CCDC15: variants seen among roughly 807,000 people sequenced by gnomAD.
CCDC15 encodes the protein coiled-coil domain containing 15.
Under a neutral mutation model 114.5 loss-of-function variants are expected in CCDC15, and 105 were observed. The observed-to-expected ratio is 0.92, with a 90% CI of 0.78 to 1.08. The LOEUF (loss-of-function observed/expected upper bound fraction) is 1.08, where lower values mean the gene tolerates loss of function less well. Ranked by LOEUF, CCDC15 falls within the 50% of genes least tolerant of loss-of-function variation. The pLI, the probability that CCDC15 is intolerant of heterozygous loss-of-function variation, is 0.00. For missense variants in CCDC15, 1,105 were observed against 1,093.6 expected (o/e 1.01, Z -0.15); for synonymous variants, 334 against 377.8 (o/e 0.88, Z 1.34).
intron 15 of CCDC15, chr11:125,039,571 C>G (rs193028437): frequency 6.6e-6 from 1 of 152,598 alleles, no homozygotes; most frequent in East Asian, 1.9e-4. Context: ...TTTCTGTTTC[C>G]TATCCATCCT....
At chr11:125,017,586 A>G (rs1352660412) in intron 13 of CCDC15, among the ~76,000 whole-genome samples, 1 of 152,132 alleles carries the variant, frequency 6.6e-6, no homozygotes, top group Non-Finnish European at 1.5e-5. Context: ...ATGAACACCT[A>G]TGTTACTGGT....
At chr11:125,023,350 T>C (rs1487647988) in intron 13 of CCDC15, among the ~76,000 whole-genome samples, 2 of 151,956 alleles carry the variant, frequency 1.3e-5, no homozygotes, top group African/African-American at 4.8e-5. Context: ...ATCAGGAAAG[T>C]GAAAAGACAG....
chr11:124,972,266 A>T lies in CCDC15; in HGVS notation c.517-2830A>T, dbSNP rs75683891. On this transcript the variant is annotated intron_variant, in intron 4 of 15. Coordinates refer to ENST00000344762, the MANE Select transcript of CCDC15 (RefSeq NM_025004.3). ...GAATCAATAGTGTGCCTAAGGTTCTAGATAGAAAAGACTTTTGGTCAAATT... is the reference window on the plus strand; with the variant it reads ...GAATCAATAGTGTGCCTAAGGTTCTTGATAGAAAAGACTTTTGGTCAAATT... Among the ~76,000 whole-genome samples the T allele has an allele frequency of 5.9e-4, 90 of 152,348 alleles. 2 individuals are homozygous for T. The East Asian group carries it at 0.015, about 26-fold the overall frequency.
chr11:124,968,184 C>T (rs543605238), intron 4 of CCDC15, among the ~76,000 whole-genome samples: 1 of 152,324 alleles, frequency 6.6e-6, no homozygotes, highest in Non-Finnish European at 1.5e-5. Context: ...CTGCTCTCTT[C>T]AGAGCTGTCA....
chr11:124,964,651 C>G (rs1455221751), intron 4 of CCDC15, among the ~76,000 whole-genome samples: 1 of 152,086 alleles, frequency 6.6e-6, no homozygotes, highest in Non-Finnish European at 1.5e-5. Flanking sequence ...TTGCCTGATT[C>G]CCCTGGTCAG....
intron 13 of CCDC15, among the ~76,000 whole-genome samples, chr11:125,026,243 A>G (rs1351788577): frequency 1.3e-5 from 2 of 152,166 alleles, no homozygotes; most frequent in African/African-American, 2.4e-5. Flanking sequence ...TGAAGTTCCA[A>G]CCACCTGGAT....
chr11:124,963,023 C>T (rs956298266), intron 4 of CCDC15, among the ~76,000 whole-genome samples: 2 of 152,180 alleles, frequency 1.3e-5, no homozygotes, highest in Non-Finnish European at 2.9e-5. Flanking sequence ...TGTATATGTG[C>T]CACATTTTCT....
In CCDC15 at chr11:125,016,425, T is replaced by C. The variant is rs370636180; in HGVS notation, c.2411+11213T>C. ...GAAAAAAAAAATCTTTATCAAGTTGTCTAGTGTGACTTTTAAGCAGAATTC... is the reference window on the plus strand; with the variant it reads ...GAAAAAAAAAATCTTTATCAAGTTGCCTAGTGTGACTTTTAAGCAGAATTC... On this transcript the variant is annotated intron_variant, in intron 13 of 15. Coordinates refer to ENST00000344762, the MANE Select transcript of CCDC15 (RefSeq NM_025004.3). Among the ~76,000 whole-genome samples the C allele has an allele frequency of 2.6e-3, 402 of 152,256 alleles. 4 individuals are homozygous for C. The highest frequency in any genetic ancestry group is 9.0e-3 in the African/African-American group (373 of 41,562).
chr11:124,987,808 C>G lies in CCDC15; in HGVS notation c.1582C>G (p.Gln528Glu), dbSNP rs111904209. 1 of 1,605,264 alleles carries G rather than the reference C, an allele frequency of 6.2e-7. No individual in the cohort carries two copies. The highest frequency in any genetic ancestry group is 8.5e-7 in the Non-Finnish European group (1 of 1,173,672). Residue 528 changes from glutamine (Q) to glutamate (E), a missense_variant, in exon 8 of 16, where the codon CAA (glutamine) becomes GAA (glutamate). Coordinates refer to ENST00000344762, the MANE Select transcript of CCDC15 (RefSeq NM_025004.3). Reference protein sequence around the residue: ...PKDQNILPKYQGQDFLPKDQD... With the variant: ...PKDQNILPKYEGQDFLPKDQD... ...AGACCAGAATATTCTACCTAAATATCAAGGCCAGGATTTTCTACCTAAAGA... is the reference window on the plus strand; with the variant it reads ...AGACCAGAATATTCTACCTAAATATGAAGGCCAGGATTTTCTACCTAAAGA...
intron 11 of CCDC15, among the ~76,000 whole-genome samples, chr11:124,998,214 G>A (rs1367641882): frequency 6.6e-6 from 1 of 152,164 alleles, no homozygotes; most frequent in Admixed American, 6.5e-5. Flanking sequence ...TCCATGTTGT[G>A]GACTAGAAAT....
chr11:125,037,341 A>G (rs1483693683), intron 13 of CCDC15: 2 of 152,210 alleles, frequency 1.3e-5, no homozygotes. Context: ...ATAAGGACAA[A>G]TTATTCCTGG....
intron 8 of CCDC15, among the ~76,000 whole-genome samples, chr11:124,990,659 A>G (rs1948252052): frequency 6.6e-6 from 1 of 152,250 alleles, no homozygotes; most frequent in African/African-American, 2.4e-5. Context: ...CTCCAAATAA[A>G]CAATTTGCTG....
At chr11:124,982,773 G>A (rs73020324) in intron 6 of CCDC15, among the ~76,000 whole-genome samples, 5,445 of 152,152 alleles carry the variant, frequency 0.036, 135 homozygotes, top group Middle Eastern at 0.092. Flanking sequence ...GTTGGGGGAT[G>A]GTCTTCTTCT....
Position 125,038,942 on chromosome 11 carries a change from C to T in CCDC15, c.2607C>T (p.Ala869=), listed in dbSNP as rs376394691. Residue 869 remains alanine, a synonymous_variant, in exon 15 of 16, where the codon GCC becomes GCT. Coordinates refer to ENST00000344762, the MANE Select transcript of CCDC15 (RefSeq NM_025004.3). ...EYLRYVEALR[A]QIQEKMQLYN... is the part of the protein sequence containing the mutation. ...ACAGATATGTAGAAGCTTTACGAGCCCAAATCCAGGAGAAAATGCAGCTGT... is the reference window on the plus strand; with the variant it reads ...ACAGATATGTAGAAGCTTTACGAGCTCAAATCCAGGAGAAAATGCAGCTGT... 18 of 1,612,768 alleles carry T rather than the reference C, an allele frequency of 1.1e-5. No individual in the cohort carries two copies. Among genetic ancestry groups the T allele is most frequent in the Admixed American group, 1.7e-5 (1 of 59,976 alleles).
At position 124,987,212 on chromosome 11, in the gene CCDC15, T is replaced by C. The variant is rs1380152302; in HGVS notation, c.986T>C (p.Leu329Pro). The C allele has an allele frequency of 6.5e-7, 1 of 1,538,328 alleles. No homozygotes were observed. The highest frequency in any genetic ancestry group is 1.4e-5 in the African/African-American group (1 of 72,152). Reference sequence around the variant, plus strand: ...CATTTTGAGGGCCTTCAGGATATTCTGCCAGAAGCCCAGGATTATTTTCTA... The same window carrying C: ...CATTTTGAGGGCCTTCAGGATATTCCGCCAGAAGCCCAGGATTATTTTCTA... ...QLHFEGLQDI[L>P]PEAQDYFLEA... The change falls in exon 8 of 16, where the codon CTG becomes CCG. Residue 329 changes from leucine (L) to proline (P), a missense_variant. Transcript: ENST00000344762.
intron 4 of CCDC15, among the ~76,000 whole-genome samples, chr11:124,969,186 G>A (rs1947837278): frequency 6.6e-6 from 1 of 151,974 alleles, no homozygotes; most frequent in Non-Finnish European, 1.5e-5. Flanking sequence ...ATATGATTTG[G>A]CCACTAGTGC....
At chr11:125,027,410 T>A (rs917461424) in intron 13 of CCDC15, among the ~76,000 whole-genome samples, 7 of 152,124 alleles carry the variant, frequency 4.6e-5, no homozygotes, top group South Asian at 2.1e-4. Flanking sequence ...TTATTTTTTT[T>A]ATTTTTAAAT....
intron 13 of CCDC15, among the ~76,000 whole-genome samples, chr11:125,035,422 C>A (rs932951786): frequency 6.6e-6 from 1 of 151,762 alleles, no homozygotes; most frequent in Non-Finnish European, 1.5e-5. Flanking sequence ...TTTCTATTTG[C>A]ATGGAATATT....
chr11:124,985,206 A>G (rs1437671026), intron 6 of CCDC15, among the ~76,000 whole-genome samples: 1 of 151,252 alleles, frequency 6.6e-6, no homozygotes, highest in East Asian at 1.9e-4. Flanking sequence ...ATTGCTGAAT[A>G]ATTTATTGTA....
Sources: gnomAD v4.1 joint callset for allele counts (sites outside exome capture counted in the v4.1 genomes callset) on GRCh38, gnomAD v4.1.1 for gene constraint, MANE v1.5 for transcripts, NCBI Gene and HGNC (gene_info 2026-07-23, HGNC 2026-07-21) for gene names.